The following MRPL37 variants were observed in gnomAD, a reference collection of about 807,000 sequenced individuals.
MRPL37 encodes large ribosomal subunit protein mL37.
In MRPL37, 34 loss-of-function variants were observed where a neutral mutation model predicts 44.1. The observed-to-expected ratio is 0.77, with a 90% confidence interval of 0.59 to 1.03. The LOEUF (loss-of-function observed/expected upper bound fraction) is 1.03. Ranked by LOEUF, MRPL37 falls within the 50% of genes least tolerant of loss-of-function variation. The pLI is 0.00. For synonymous variants in MRPL37, 212 were observed against 219.5 expected (o/e 0.97, Z 0.30); for missense variants, 532 against 543.7 (o/e 0.98, Z 0.21).
chr1:54,225,086 A>C (rs1012948006), downstream of MRPL37: 28 of 1,234,140 alleles, frequency 2.3e-5, no homozygotes, highest in African/African-American at 1.6e-5. Context: ...TCCCCATAGA[A>C]AACAGAGGGC....
downstream of MRPL37, among the ~76,000 whole-genome samples, chr1:54,221,882 G>A (rs1047222020): frequency 2.6e-5 from 4 of 152,168 alleles, no homozygotes; most frequent in Non-Finnish European, 5.9e-5. Context: ...TGCTGGGAGC[G>A]AGTTACAGAA....
chr1:54,200,400 C>G lies in MRPL37; in HGVS notation c.157C>G (p.Pro53Ala), dbSNP rs33946834. 6.8e-6 allele frequency: 11 copies of G among 1,614,182 alleles called. No individual in the cohort carries two copies. Among genetic ancestry groups the G allele is most frequent in the Non-Finnish European group, 8.5e-6 (10 of 1,180,044 alleles). Residue 53 changes from proline to alanine, a missense_variant, in exon 1 of 7, where the codon CCT (proline) becomes GCT (alanine). Pro to Ala is a conservative substitution (Grantham distance 27). Coordinates refer to ENST00000360840, the MANE Select transcript of MRPL37 (RefSeq NM_016491.4). ...TCCCCTGGATAGGGTGTACGAGATCCCTGGACTGGAGCCCATCACCTTTGC... is the reference window on the plus strand; with the variant it reads ...TCCCCTGGATAGGGTGTACGAGATCGCTGGACTGGAGCCCATCACCTTTGC... The part of the protein sequence containing the change: ...PPPLDRVYEI[P>A]GLEPITFAGK...
rs553175368 is a variant in MRPL37 at position 54,208,346 on chromosome 1, T to C, written c.647-1600T>C. 6.6e-5 allele frequency among the ~76,000 whole-genome samples: 10 copies of C among 152,002 alleles called. No homozygotes were observed. In the South Asian group the frequency reaches 8.3e-4, roughly 13 times the overall value. ...TCATGAGGTCAGGAGATCAAGACCA[T>C]CCTGGCTATCACGGTGAAACCCGGT... is the stretch of plus-strand genomic sequence containing the variant. On this transcript the variant is annotated intron_variant, in intron 3 of 6. Transcript: ENST00000360840.
chr1:54,205,299 G>A lies in MRPL37; in HGVS notation c.535G>A (p.Val179Ile), dbSNP rs762190717. The A allele has an allele frequency of 1.2e-6, 2 of 1,612,626 alleles. No homozygotes were observed. Among genetic ancestry groups the A allele is most frequent in the East Asian group, 4.5e-5 (2 of 44,856 alleles). ...EIPKRETYCPVIVDNLIQLCK... is the reference protein window; with the variant it reads ...EIPKRETYCPIIVDNLIQLCK... Reference sequence around the variant, plus strand: ...ATGTCTCTTTTTGTCTTCAAGCCCGGTCATCGTGGACAACCTAATACAGCT... The same window carrying A: ...ATGTCTCTTTTTGTCTTCAAGCCCGATCATCGTGGACAACCTAATACAGCT... The change falls in exon 3 of 7, where the codon GTC becomes ATC. Residue 179 changes from valine to isoleucine, a missense_variant. By Grantham distance (29) the Val-to-Ile change is conservative (BLOSUM62 3). Transcript: ENST00000360840.
Position 54,205,122 on chromosome 1 carries a change from G to A in MRPL37, c.451G>A (p.Asp151Asn), listed in dbSNP as rs1644111809. ...DDPRNHIENQ[D>N]ECVLNVISHA... ...TCCAAGGAACCACATAGAGAACCAA[G>A]ACGAGTGCGTTCTGAATGTGATCTC... is the stretch of plus-strand genomic sequence containing the variant. Residue 151 changes from aspartate to asparagine, a missense_variant, in exon 2 of 7, where the codon GAC becomes AAC. Asp to Asn is a conservative substitution (Grantham distance 23). Transcript: ENST00000360840. 1 of 1,614,110 alleles carries A rather than the reference G, an allele frequency of 6.2e-7. No homozygotes were observed. Among genetic ancestry groups the A allele is most frequent in the Non-Finnish European group, 8.5e-7 (1 of 1,180,020 alleles).
At position 54,200,317 on chromosome 1, in the gene MRPL37, C is replaced by A; in HGVS notation, c.74C>A (p.Ala25Asp). 1 of 1,613,248 alleles carries A rather than the reference C, an allele frequency of 6.2e-7. No homozygotes were observed. The part of the protein sequence containing the change: ...SGQLGLGGFG[A>D]PRRGAYEWGV... ...CAGCTCGGCCTTGGGGGCTTCGGGGCCCCGAGACGCGGGGCGTATGAGTGG... is the reference window on the plus strand; with the variant it reads ...CAGCTCGGCCTTGGGGGCTTCGGGGACCCGAGACGCGGGGCGTATGAGTGG... The change falls in exon 1 of 7, where the codon GCC becomes GAC. Residue 25 changes from alanine (A) to aspartate (D), a missense_variant. Transcript: ENST00000360840.
chr1:54,200,461 C>A lies in MRPL37; in HGVS notation c.218C>A (p.Pro73Gln). 6.2e-7 allele frequency: 1 copy of A among 1,614,246 alleles called. No homozygotes were observed. The highest frequency in any genetic ancestry group is 1.1e-5 in the South Asian group (1 of 91,086). The change falls in exon 1 of 7, where the codon CCG becomes CAG. Residue 73 changes from proline to glutamine, a missense_variant. Pro to Gln is a moderately conservative substitution (Grantham distance 76). Transcript: ENST00000360840. ...KMHFVPWLAR[P>Q]IFPPWDRGYK... The stretch of plus-strand genomic sequence containing the variant: ...CACTTCGTGCCCTGGCTGGCGCGGC[C>A]GATCTTTCCGCCCTGGGACCGCGGC...
chr1:54,216,094 C>T (rs779258142), intron 5 of MRPL37, 47 bp from the exon 6 acceptor site: 10 of 1,601,990 alleles, frequency 6.2e-6, no homozygotes, highest in East Asian at 2.2e-5. Context: ...CTGTTCCTTA[C>T]ACTCCACAGC....
At chr1:54,223,932 C>A (rs924002875), downstream of MRPL37, among the ~76,000 whole-genome samples, 2 of 152,238 alleles carry the variant, frequency 1.3e-5, no homozygotes, top group African/African-American at 4.8e-5. Context: ...GCCAAACTAA[C>A]CTGCACCAGG....
chr1:54,216,599 G>A (rs1233382467), intron 6 of MRPL37, among the ~76,000 whole-genome samples: 1 of 152,150 alleles, frequency 6.6e-6, no homozygotes, highest in Non-Finnish European at 1.5e-5. Context: ...GGTGCTCTGC[G>A]GCTTCATTAG....
intron 1 of MRPL37, among the ~76,000 whole-genome samples, chr1:54,201,737 C>T (rs958055267): frequency 1.3e-5 from 2 of 152,148 alleles, no homozygotes; most frequent in African/African-American, 4.8e-5. Flanking sequence ...TGAGTTGGAG[C>T]AAATTCCTTA....
Position 54,217,263 on chromosome 1 carries a change from C to G in MRPL37, c.1195-909C>G, listed in dbSNP as rs34940681. Among the ~76,000 whole-genome samples, 599 of 152,326 alleles carry G rather than the reference C, an allele frequency of 3.9e-3. 2 individuals are homozygous for G. Among genetic ancestry groups the G allele is most frequent in the Non-Finnish European group, 6.1e-3 (415 of 68,026 alleles). On this transcript the variant is annotated intron_variant, in intron 6 of 6. Transcript: ENST00000360840. Reference sequence around the variant, plus strand: ...TCTCCAGCAGCTCTCAGTGCTGTTTCCACCTGAAATGCCTGCTGGGTCTGT... The same window carrying G: ...TCTCCAGCAGCTCTCAGTGCTGTTTGCACCTGAAATGCCTGCTGGGTCTGT...
At chr1:54,213,298 G>A (rs1353755304) in intron 5 of MRPL37, among the ~76,000 whole-genome samples, 1 of 152,224 alleles carries the variant, frequency 6.6e-6, no homozygotes, top group Non-Finnish European at 1.5e-5. Context: ...CTATATGGGA[G>A]CCCTCAAGCA....
At chr1:54,202,813 A>G (rs1186202594) in intron 1 of MRPL37, among the ~76,000 whole-genome samples, 3 of 152,194 alleles carry the variant, frequency 2.0e-5, no homozygotes, top group South Asian at 2.1e-4. Flanking sequence ...TCAAATGAAG[A>G]TATGACCTTG....
At chr1:54,221,132 G>A (rs371205326), downstream of MRPL37, among the ~76,000 whole-genome samples, 10 of 126,910 alleles carry the variant, frequency 7.9e-5, no homozygotes, top group South Asian at 3.1e-3. Flanking sequence ...GTTTCAAGTC[G>A]ATGGGTTTGG....
At chr1:54,200,645 C>CGACCCT (rs1304048041) in intron 1 of MRPL37, 56 bp downstream of exon 1, 449 of 1,512,092 alleles carry the variant, frequency 3.0e-4, no homozygotes, top group Middle Eastern at 1.4e-3. Context: ...GCACCGACCC[C>CGACCCT]GACCCTCTGT....
intron 5 of MRPL37, among the ~76,000 whole-genome samples, chr1:54,214,628 C>G (rs1331640258): frequency 2.0e-5 from 3 of 152,164 alleles, no homozygotes; most frequent in Non-Finnish European, 4.4e-5. Context: ...TCGCTGTAGC[C>G]TCTGTGCCAG....
At chr1:54,223,665 G>A (rs1040197258), downstream of MRPL37, among the ~76,000 whole-genome samples, 9 of 152,194 alleles carry the variant, frequency 5.9e-5, no homozygotes, top group Non-Finnish European at 1.0e-4. Flanking sequence ...CAGGCCGGCC[G>A]ACCCCTAGAA....
chr1:54,209,692 C>T (rs1414837205), intron 3 of MRPL37, among the ~76,000 whole-genome samples: 1 of 152,070 alleles, frequency 6.6e-6, no homozygotes, highest in Admixed American at 6.6e-5. Context: ...ATATCCTGAC[C>T]TCGTGATCCA....
Sources: allele counts gnomAD v4.1 joint callset (sites outside exome capture counted in the v4.1 genomes callset), GRCh38; gene constraint gnomAD v4.1.1; transcripts MANE v1.5; gene names NCBI Gene and HGNC (gene_info 2026-07-23, HGNC 2026-07-21).